COG3: variants seen among roughly 807,000 people sequenced by gnomAD.
The protein encoded by COG3 is conserved oligomeric Golgi complex subunit 3.
In COG3, 32 loss-of-function variants were observed where a neutral mutation model predicts 114.1. The ratio of observed to expected loss-of-function variants is 0.28; its 90% confidence interval spans 0.21 to 0.38. COG3 has a LOEUF of 0.38. COG3 is among the 10% of genes least tolerant of loss of function. The probability of loss-of-function intolerance (pLI) is 1.00; values close to 1 mark genes in which losing one functional copy is unlikely to be tolerated. For missense variants in COG3, 813 were observed against 973.2 expected (o/e 0.84, Z 2.19); for synonymous variants, 352 against 365.7 (o/e 0.96, Z 0.43).
chr13:45,480,935 T>A (rs1886211874), intron 4 of COG3, among the ~76,000 whole-genome samples: 2 of 152,256 alleles, frequency 1.3e-5, no homozygotes, highest in South Asian at 4.1e-4. Flanking sequence ...ACTGATTGAT[T>A]ACTTTTGACT....
At chr13:45,480,880 A>G (rs964893620) in intron 4 of COG3, among the ~76,000 whole-genome samples, 2 of 152,164 alleles carry the variant, frequency 1.3e-5, no homozygotes, top group East Asian at 1.9e-4. Flanking sequence ...ACACTTTTCA[A>G]AGAAGCATAG....
intron 9 of COG3, 51 bp from the exon 10 acceptor site, chr13:45,491,361 T>G (rs533443285): frequency 6.4e-7 from 1 of 1,568,696 alleles, no homozygotes; most frequent in Non-Finnish European, 8.6e-7. Flanking sequence ...AAGATGAAAT[T>G]TAGTTTACAT....
chr13:45,518,879 G>A, intron 18 of COG3, 29 bp downstream of exon 18: 1 of 1,609,718 alleles, frequency 6.2e-7, no homozygotes, highest in Non-Finnish European at 8.5e-7. Flanking sequence ...CATTGGTGGT[G>A]GGAGATAAAC....
At chr13:45,479,204 A>G in intron 3 of COG3, 138 bp downstream of exon 3, 1 of 644,584 alleles carries the variant, frequency 1.6e-6, no homozygotes, top group East Asian at 2.7e-5. Context: ...AAGAATAGCC[A>G]GTGAGAAGAT....
intron 16 of COG3, among the ~76,000 whole-genome samples, chr13:45,515,196 C>T (rs1280384879): frequency 6.6e-5 from 10 of 152,182 alleles, no homozygotes; most frequent in Non-Finnish European, 1.5e-4. Flanking sequence ...GCATTTCCCA[C>T]TTACCTGGTG....
chr13:45,491,781 T>A (rs901611295), intron 10 of COG3, among the ~76,000 whole-genome samples: 1 of 152,196 alleles, frequency 6.6e-6, no homozygotes, highest in Non-Finnish European at 1.5e-5. Flanking sequence ...AAAATGAGAT[T>A]TCAAAGTTTG....
chr13:45,504,356 A>G (rs1869888192), intron 14 of COG3, among the ~76,000 whole-genome samples: 2 of 152,118 alleles, frequency 1.3e-5, no homozygotes, highest in African/African-American at 4.8e-5. Context: ...CTGCAATAGA[A>G]CCCATACCAT....
chr13:45,485,135 G>A (rs11617912), intron 7 of COG3, among the ~76,000 whole-genome samples: 14,219 of 107,430 alleles, frequency 0.13, 1 homozygote, highest in South Asian at 0.17. Flanking sequence ...CAGACGGGGC[G>A]GTGGCCGGGC....
chr13:45,533,787 A>T (rs1484220550), intron 22 of COG3, among the ~76,000 whole-genome samples: 2 of 152,182 alleles, frequency 1.3e-5, no homozygotes, highest in Admixed American at 6.5e-5. Context: ...CAGGCCAGTT[A>T]TTCCGCAGAC....
At chr13:45,497,037 C>G (rs964190610) in intron 13 of COG3, among the ~76,000 whole-genome samples, 3 of 152,154 alleles carry the variant, frequency 2.0e-5, no homozygotes, top group Non-Finnish European at 4.4e-5. Context: ...AATACACGTT[C>G]TCAATTTTAA....
chr13:45,495,369 CATCTTTTTTATTT>C (rs1386825459), intron 12 of COG3, among the ~76,000 whole-genome samples: 1 of 151,724 alleles, frequency 6.6e-6, no homozygotes, highest in East Asian at 1.9e-4. Flanking sequence ...ACATTGATGG[CATCTTTTTTATTT>C]ATTTATTATT....
At chr13:45,505,751 G>A (rs1364731977) in intron 14 of COG3, among the ~76,000 whole-genome samples, 4 of 151,940 alleles carry the variant, frequency 2.6e-5, no homozygotes, top group Non-Finnish European at 5.9e-5. Context: ...GGGCCACCAT[G>A]CCCAGCCATT....
At chr13:45,493,529 C>T (rs894227989) in intron 12 of COG3, 43 bp downstream of exon 12, 1 of 1,533,492 alleles carries the variant, frequency 6.5e-7, no homozygotes, top group South Asian at 1.2e-5. Context: ...ATCACTGGCT[C>T]AATGAATTTG....
chr13:45,480,370 T>C, intron 4 of COG3, 80 bp downstream of exon 4: 2 of 1,030,960 alleles, frequency 1.9e-6, no homozygotes, highest in South Asian at 4.1e-5. Context: ...TTTAATTTTC[T>C]TAATTTCTCC....
At chr13:45,507,029 GGGGCCTGCTCTGCTCCTCA>G (rs1870230761) in intron 14 of COG3, among the ~76,000 whole-genome samples, 1 of 152,200 alleles carries the variant, frequency 6.6e-6, no homozygotes, top group Admixed American at 6.5e-5. Flanking sequence ...CCCTGGTCCC[GGGGCCTGCTCTGCTCCTCA>G]GGAGTGGCAG....
intron 8 of COG3, among the ~76,000 whole-genome samples, chr13:45,489,904 A>G (rs1007849054): frequency 9.2e-5 from 14 of 151,868 alleles, no homozygotes; most frequent in Non-Finnish European, 1.9e-4. Flanking sequence ...ATACAGTGTC[A>G]TTGATTCAAG....
chr13:45,496,798 C>G (rs372498007), intron 13 of COG3, among the ~76,000 whole-genome samples: 1 of 151,942 alleles, frequency 6.6e-6, no homozygotes, highest in Non-Finnish European at 1.5e-5. Flanking sequence ...CTCAGCCTCC[C>G]GAGAAGCTGG....
chr13:45,506,810 GC>G (rs1306859317), intron 14 of COG3, among the ~76,000 whole-genome samples: 2 of 152,226 alleles, frequency 1.3e-5, no homozygotes, highest in Non-Finnish European at 2.9e-5. Context: ...AGAATGAGAA[GC>G]CTCTGAAAGG....
intron 16 of COG3, among the ~76,000 whole-genome samples, chr13:45,513,247 ACATATAATATATACATATAAAT>A (rs1871103994): frequency 3.2e-5 from 2 of 61,564 alleles, no homozygotes; most frequent in Non-Finnish European, 6.9e-5. Flanking sequence ...TATAAATTAT[ACATATAATATATACATATAAAT>A]TATATATAAT....
Sources: allele counts gnomAD v4.1 joint callset (sites outside exome capture counted in the v4.1 genomes callset), GRCh38; gene constraint gnomAD v4.1.1; transcripts MANE v1.5; gene names NCBI Gene and HGNC (gene_info 2026-07-23, HGNC 2026-07-21).